Variants in DTNB observed in about 807,000 individuals in gnomAD.
The protein encoded by DTNB is dystrobrevin beta.
In DTNB, 63 loss-of-function variants were observed where a neutral mutation model predicts 90.7. The observed-to-expected ratio is 0.69, with a 90% CI of 0.57 to 0.86. The LOEUF is 0.86. Among genes scored for constraint, DTNB ranks in the 40% least tolerant of loss-of-function variants. DTNB has a pLI of 0.00. For synonymous variants in DTNB, 277 were observed against 286.7 expected (o/e 0.97, Z 0.34); for missense variants, 744 against 807.1 (o/e 0.92, Z 0.95).
intron 5 of DTNB, among the ~76,000 whole-genome samples, chr2:25,596,703 C>G (rs535875672): frequency 3.2e-4 from 49 of 152,226 alleles, no homozygotes; most frequent in African/African-American, 1.2e-3. Context: ...ATATTCTATA[C>G]TGATGATGTA....
intron 9 of DTNB, among the ~76,000 whole-genome samples, chr2:25,520,402 T>C (rs1385889173): frequency 1.3e-5 from 2 of 152,156 alleles, no homozygotes; most frequent in Non-Finnish European, 2.9e-5. Context: ...CAATTAAAAA[T>C]GGCTGTAAAC....
chr2:25,616,931 C>CACA (rs2070821691), intron 4 of DTNB, among the ~76,000 whole-genome samples: 1 of 70,556 alleles, frequency 1.4e-5, no homozygotes, highest in East Asian at 4.2e-4. Context: ...GACCCCGTCT[C>CACA]AAAAAAAAAA....
chr2:25,555,879 G>A (rs1229182205), intron 8 of DTNB, among the ~76,000 whole-genome samples: 1 of 152,128 alleles, frequency 6.6e-6, no homozygotes, highest in Non-Finnish European at 1.5e-5. Context: ...AATTAGCAGG[G>A]CATGGTGGCG....
At chr2:25,567,887 G>A (rs1181121797) in intron 8 of DTNB, among the ~76,000 whole-genome samples, 2 of 152,206 alleles carry the variant, frequency 1.3e-5, no homozygotes, top group African/African-American at 4.8e-5. Context: ...AAGGCTGGGC[G>A]CGGTGGCTGA....
intron 4 of DTNB, among the ~76,000 whole-genome samples, chr2:25,609,494 A>C (rs936060406): frequency 9.9e-5 from 15 of 151,592 alleles, no homozygotes; most frequent in African/African-American, 3.6e-4. Flanking sequence ...GCTACTCAGA[A>C]GGCTGAGGCA....
chr2:25,471,283 T>C (rs999535802), intron 10 of DTNB, among the ~76,000 whole-genome samples: 1 of 152,176 alleles, frequency 6.6e-6, no homozygotes, highest in Non-Finnish European at 1.5e-5. Flanking sequence ...TCACCTTTCC[T>C]GTGCTTATCT....
intron 8 of DTNB, among the ~76,000 whole-genome samples, chr2:25,543,599 T>C (rs1424450693): frequency 6.6e-6 from 1 of 152,212 alleles, no homozygotes; most frequent in Non-Finnish European, 1.5e-5. Context: ...CCACTGCGCC[T>C]GGCTGAGACA....
At chr2:25,405,543 A>G (rs2044892369) in intron 16 of DTNB, among the ~76,000 whole-genome samples, 1 of 152,024 alleles carries the variant, frequency 6.6e-6, no homozygotes, top group African/African-American at 2.4e-5. Context: ...CCATCTCTAA[A>G]TAAATAAATA....
chr2:25,537,133 C>T (rs1434737752), intron 8 of DTNB, among the ~76,000 whole-genome samples: 1 of 152,018 alleles, frequency 6.6e-6, no homozygotes, highest in African/African-American at 2.4e-5. Flanking sequence ...TGTATTTGAA[C>T]AAATTATTTA....
At chr2:25,467,990 G>A (rs901259652) in intron 10 of DTNB, among the ~76,000 whole-genome samples, 6 of 152,098 alleles carry the variant, frequency 3.9e-5, no homozygotes, top group South Asian at 4.2e-4. Flanking sequence ...TTTGCCAACC[G>A]CTGCCCTTGT....
chr2:25,612,797 G>A (rs1422281879), intron 4 of DTNB, among the ~76,000 whole-genome samples: 1 of 152,080 alleles, frequency 6.6e-6, no homozygotes, highest in African/African-American at 2.4e-5. Context: ...TTATGTCCAT[G>A]AATTCAACAA....
chr2:25,410,897 T>C (rs2046416570), intron 16 of DTNB, among the ~76,000 whole-genome samples: 1 of 151,830 alleles, frequency 6.6e-6, no homozygotes, highest in Non-Finnish European at 1.5e-5. Context: ...GTTACTTTAA[T>C]GTAAGTTCTT....
At chr2:25,456,181 A>G (rs1318135900) in intron 10 of DTNB, among the ~76,000 whole-genome samples, 1 of 152,248 alleles carries the variant, frequency 6.6e-6, no homozygotes, top group African/African-American at 2.4e-5. Flanking sequence ...AGAGTAATCT[A>G]ATGACTACCC....
chr2:25,594,893 G>A (rs1349915122), intron 6 of DTNB: 3 of 152,174 alleles, frequency 2.0e-5, no homozygotes, highest in Non-Finnish European at 4.4e-5. Context: ...CTATGATCCA[G>A]TCTATAAACT....
intron 8 of DTNB, among the ~76,000 whole-genome samples, chr2:25,557,066 C>T (rs1487465614): frequency 6.6e-6 from 1 of 152,158 alleles, no homozygotes; most frequent in Non-Finnish European, 1.5e-5. Flanking sequence ...CACTCAAATG[C>T]AGTAATGGGT....
At chr2:25,537,036 T>C (rs191557144) in intron 8 of DTNB, among the ~76,000 whole-genome samples, 40 of 152,276 alleles carry the variant, frequency 2.6e-4, no homozygotes, top group African/African-American at 8.7e-4. Flanking sequence ...CCACCGTGCC[T>C]GGCCCCATAC....
At chr2:25,615,879 T>C (rs1017717250) in intron 4 of DTNB, among the ~76,000 whole-genome samples, 1 of 152,210 alleles carries the variant, frequency 6.6e-6, no homozygotes, top group African/African-American at 2.4e-5. Context: ...AAAGATACTA[T>C]TCAGATGCCT....
intron 8 of DTNB, among the ~76,000 whole-genome samples, chr2:25,538,910 C>T (rs575298593): frequency 6.6e-6 from 1 of 152,306 alleles, no homozygotes; most frequent in Admixed American, 6.5e-5. Context: ...TAATCACTAT[C>T]CTGGATTTTG....
intron 3 of DTNB, among the ~76,000 whole-genome samples, chr2:25,634,532 G>A (rs1178906320): frequency 4.7e-5 from 7 of 148,534 alleles, no homozygotes; most frequent in South Asian, 2.2e-4. Flanking sequence ...CCCTCTGCCC[G>A]GCCACCACCC....
Sources: gnomAD v4.1 joint callset for allele counts (sites outside exome capture counted in the v4.1 genomes callset) on GRCh38, gnomAD v4.1.1 for gene constraint, MANE v1.5 for transcripts, NCBI Gene and HGNC (gene_info 2026-07-23, HGNC 2026-07-21) for gene names.